Variants in CFAP91 observed in about 807,000 individuals in gnomAD.
CFAP91 encodes the protein cilia and flagella associated protein 91.
CFAP91 carries 85 observed loss-of-function variants against 95.9 expected under a neutral mutation model. The observed-to-expected ratio is 0.89, with a 90% confidence interval of 0.74 to 1.06. The LOEUF (loss-of-function observed/expected upper bound fraction) is 1.06, where lower values mean the gene tolerates loss of function less well. Among genes scored for constraint, CFAP91 ranks in the 50% least tolerant of loss-of-function variants. CFAP91 has a pLI of 0.00. For synonymous variants in CFAP91, 335 were observed against 327.5 expected, an observed-to-expected ratio of 1.02 and a Z score of -0.25; for missense variants, 962 against 943.4, an observed-to-expected ratio of 1.02 and a Z score of -0.26.
At position 119,751,054 on chromosome 3, in the gene CFAP91, C is replaced by T. The variant is rs1559768271; in HGVS notation, c.2261C>T (p.Ala754Val). The change falls in exon 17 of 18, where the codon GCC (alanine) becomes GTC (valine). Residue 754 changes from alanine to valine, a missense_variant. By Grantham distance (64) the Ala-to-Val change is moderately conservative (BLOSUM62 0). Coordinates refer to ENST00000273390, the MANE Select transcript of CFAP91 (RefSeq NM_033364.4). ...GAGCAAGATGAGGCCTCAAATGCTG[C>T]CATGTTACTTGAGAAAGAAACTCAA... ...EGEQDEASNA[A>V]MLLEKETQNE... 6.2e-7 allele frequency: 1 copy of T among 1,611,028 alleles called. No individual in the cohort carries two copies. Among genetic ancestry groups the T allele is most frequent in the Non-Finnish European group, 8.5e-7 (1 of 1,178,968 alleles).
rs1369818520 is a variant in CFAP91, at chr3:119,709,914, A to G, written c.500+19A>G. 3.2e-6 allele frequency: 5 copies of G among 1,574,378 alleles called. No individual in the cohort carries two copies. Among genetic ancestry groups the G allele is most frequent in the Non-Finnish European group, 4.4e-6 (5 of 1,145,402 alleles). On this transcript the variant is annotated intron_variant, in intron 5 of 17. Transcript: ENST00000273390. ...TATCCAAGTAAGTAACCATTATTTG[A>G]AAACTCTTTTTCAGTTTATTTATTG...
intron 14 of CFAP91, among the ~76,000 whole-genome samples, chr3:119,744,743 A>G (rs182566976): frequency 3.3e-5 from 5 of 152,200 alleles, no homozygotes; most frequent in Non-Finnish European, 5.9e-5. Flanking sequence ...AAGCAGAGGT[A>G]TTGTTTCAGT....
In CFAP91 at chr3:119,707,535, C is replaced by T. The variant is rs2053389207; in HGVS notation, c.333C>T (p.His111=). 1.9e-6 allele frequency: 3 copies of T among 1,585,528 alleles called. No individual in the cohort carries two copies. The highest frequency in any genetic ancestry group is 1.7e-5 in the Admixed American group (1 of 59,514). ...SREWKGHKEK[H]REALRQLTTT... ...AATGGAAGGGACATAAGGAGAAACA[C>T]AGAGAAGCCCTCCGGCAGCTCACCA... Residue 111 remains histidine (H), a synonymous_variant, in exon 3 of 18, where the codon CAC becomes CAT. Coordinates refer to ENST00000273390, the MANE Select transcript of CFAP91 (RefSeq NM_033364.4).
intron 17 of CFAP91, among the ~76,000 whole-genome samples, chr3:119,761,836 A>G (rs958505471): frequency 3.9e-5 from 6 of 151,964 alleles, no homozygotes; most frequent in African/African-American, 1.4e-4. Flanking sequence ...GAACAAATGT[A>G]CCTCAACATA....
At chr3:119,749,609 C>A (rs191834453) in intron 16 of CFAP91, among the ~76,000 whole-genome samples, 5 of 152,134 alleles carry the variant, frequency 3.3e-5, no homozygotes, top group African/African-American at 7.2e-5. Flanking sequence ...CTTGAGCTAA[C>A]GGAATCCAGT....
intron 10 of CFAP91, among the ~76,000 whole-genome samples, chr3:119,735,553 A>G (rs1478233468): frequency 1.3e-5 from 2 of 152,236 alleles, no homozygotes; most frequent in Non-Finnish European, 2.9e-5. Flanking sequence ...TCATTTTCTC[A>G]TTAACCTCTA....
At chr3:119,763,169 A>G (rs913323237) in intron 17 of CFAP91, among the ~76,000 whole-genome samples, 67 of 152,134 alleles carry the variant, frequency 4.4e-4, no homozygotes, top group African/African-American at 1.5e-3. Flanking sequence ...ACCTGAATAG[A>G]CATTTCTCAA....
chr3:119,744,889 T>G (rs1215467579), intron 14 of CFAP91, among the ~76,000 whole-genome samples: 1 of 152,128 alleles, frequency 6.6e-6, no homozygotes, highest in Non-Finnish European at 1.5e-5. Context: ...ATTTAGAAAT[T>G]ATTGGCAAAT....
chr3:119,758,257 A>G (rs916334505), intron 17 of CFAP91, among the ~76,000 whole-genome samples: 3 of 152,186 alleles, frequency 2.0e-5, no homozygotes, highest in Non-Finnish European at 2.9e-5. Flanking sequence ...GAAATTGGCT[A>G]TTGCTGCAGA....
Position 119,706,908 on chromosome 3 carries a change from G to A in CFAP91, c.201+23G>A, listed in dbSNP as rs896555822. ...CTGGTATGTCTAATTCATCAGCCAA[G>A]GCTACCTGATGAACCTGAACCATCT... On this transcript the variant is annotated intron_variant, in intron 2 of 17. Transcript: ENST00000273390. The A allele has an allele frequency of 4.4e-6, 7 of 1,580,512 alleles. 1 individual carries two copies. The highest frequency in any genetic ancestry group is 1.4e-5 in the African/African-American group (1 of 73,326).
chr3:119,747,268 G>A lies in CFAP91; in HGVS notation c.2051+5G>A. The A allele has an allele frequency of 6.2e-7, 1 of 1,611,266 alleles. No individual in the cohort carries two copies. Among genetic ancestry groups the A allele is most frequent in the Non-Finnish European group, 8.5e-7 (1 of 1,178,870 alleles). ...TGCTTATGAAATGGAAAGCCGGTGT[G>A]TATCAAGAGAACAGATTGTAGAATG... On this transcript the variant is annotated splice_donor_5th_base_variant and intron_variant, in intron 15 of 17. Transcript: ENST00000273390.
chr3:119,705,182 A>G (rs1328069954), intron 1 of CFAP91, among the ~76,000 whole-genome samples: 2 of 152,212 alleles, frequency 1.3e-5, no homozygotes, highest in Non-Finnish European at 2.9e-5. Flanking sequence ...TTAGCCCTAA[A>G]GCTCACCACC....
At chr3:119,709,624 T>C (rs983657259) in intron 4 of CFAP91, among the ~76,000 whole-genome samples, 2 of 152,194 alleles carry the variant, frequency 1.3e-5, no homozygotes, top group Non-Finnish European at 1.5e-5. Context: ...ACCCTATATG[T>C]ACTGAATCTC....
intron 16 of CFAP91, among the ~76,000 whole-genome samples, chr3:119,748,633 C>T (rs1308340788): frequency 6.6e-6 from 1 of 152,148 alleles, no homozygotes; most frequent in Non-Finnish European, 1.5e-5. Flanking sequence ...AAATGCTTAA[C>T]ATTTCAATTT....
chr3:119,715,725 C>G lies in CFAP91; in HGVS notation c.664C>G (p.Leu222Val), dbSNP rs755506894. 1.2e-6 allele frequency: 2 copies of G among 1,613,926 alleles called. No individual in the cohort carries two copies. Among genetic ancestry groups the G allele is most frequent in the Non-Finnish European group, 1.7e-6 (2 of 1,179,840 alleles). ...CQDSIPELLT[L>V]ATLTWGRGLP... ...GGACTCAATCCCTGAGCTCTTGACC[C>G]TGGCTACGCTTACTTGGGGTGAGTT... The change falls in exon 6 of 18, where the codon CTG (leucine) becomes GTG (valine). Residue 222 changes from leucine to valine, a missense_variant. Physicochemically the swap from Leu to Val is conservative, Grantham distance 32. Transcript: ENST00000273390.
chr3:119,733,727 G>A (rs2053946656), intron 10 of CFAP91, among the ~76,000 whole-genome samples: 1 of 151,970 alleles, frequency 6.6e-6, no homozygotes, highest in Admixed American at 6.6e-5. Flanking sequence ...ATTTGCAGAG[G>A]TCATATTACT....
chr3:119,759,290 T>G (rs898706892), intron 17 of CFAP91, among the ~76,000 whole-genome samples: 1 of 151,860 alleles, frequency 6.6e-6, no homozygotes, highest in Non-Finnish European at 1.5e-5. Context: ...ACTTAGAAAG[T>G]TAAGGTGTAA....
At chr3:119,747,638 AT>A (rs1183294877) in intron 15 of CFAP91, 172 bp from the exon 16 acceptor site, 2 of 630,814 alleles carry the variant, frequency 3.2e-6, no homozygotes, top group African/African-American at 1.9e-5. Context: ...TCAAATCCAA[AT>A]TTTTTTGTGG....
At chr3:119,705,309 T>C (rs1458274776) in intron 1 of CFAP91, among the ~76,000 whole-genome samples, 1 of 152,252 alleles carries the variant, frequency 6.6e-6, no homozygotes, top group Non-Finnish European at 1.5e-5. Context: ...TTGACAGAAC[T>C]GTGGTGGTGC....
Sources: gnomAD v4.1 joint callset for allele counts (sites outside exome capture counted in the v4.1 genomes callset) on GRCh38, gnomAD v4.1.1 for gene constraint, MANE v1.5 for transcripts, NCBI Gene and HGNC (gene_info 2026-07-23, HGNC 2026-07-21) for gene names.